Variants in BBS1 observed in about 807,000 individuals in gnomAD.
BBS1 encodes BBSome complex member BBS1.
Under a neutral mutation model 73.9 loss-of-function variants are expected in BBS1, and 60 were observed. The ratio of observed to expected loss-of-function variants is 0.81; its 90% confidence interval spans 0.66 to 1.01. BBS1 has a LOEUF of 1.01. BBS1 is among the 50% of genes least tolerant of loss of function. The pLI is 0.00. For synonymous variants in BBS1, 283 were observed against 317.4 expected, an observed-to-expected ratio of 0.89 and a Z score of 1.15; for missense variants, 718 against 770.3, an observed-to-expected ratio of 0.93 and a Z score of 0.80.
rs1856500571 is a variant in BBS1, at chr11:66,526,512, T to C, written c.1181-137T>C. The stretch of plus-strand genomic sequence containing the variant: ...AGACTATTAAGATGCACTTTGTTAC[T>C]TCCAGAAACAGTCTCGTCTGGAAGA... On this transcript the variant is annotated intron_variant, in intron 12 of 16. Coordinates refer to ENST00000318312, the MANE Select transcript of BBS1 (RefSeq NM_024649.5). The C allele has an allele frequency of 1.2e-5, 13 of 1,105,008 alleles. No individual in the cohort carries two copies. The South Asian group carries it at 1.7e-4, about 14-fold the overall frequency. The allele number at this position is 1,105,008 out of a possible 1,614,324, so 68.5% of individuals were successfully genotyped here.
chr11:66,519,840 C>T lies in BBS1; in HGVS notation c.723+92C>T, dbSNP rs1442121451. 4 of 1,516,204 alleles carry T rather than the reference C, an allele frequency of 2.6e-6. No homozygotes were observed. In the Admixed American group the frequency reaches 5.5e-5, roughly 21 times the overall value. The allele number at this position is 1,516,204 out of a possible 1,614,324, so 93.9% of individuals were successfully genotyped here. ...GTTAGTTCTGGGTAATATATATGTT[C>T]CTTGTAGAAAAATTAGAAACTAGAT... On this transcript the variant is annotated intron_variant, in intron 8 of 16. Transcript: ENST00000318312.
Position 66,512,072 on chromosome 11 carries a change from A to ATG in BBS1, c.159+834_159+835insGT, listed in dbSNP as rs1565280801. Among the ~76,000 whole-genome samples, 345 of 146,430 alleles carry ATG rather than the reference A, an allele frequency of 2.4e-3. 6 individuals are homozygous for ATG. Among genetic ancestry groups the ATG allele is most frequent in the African/African-American group, 7.9e-3 (312 of 39,632 alleles). On this transcript the variant is annotated intron_variant, in intron 3 of 16. Coordinates refer to ENST00000318312, the MANE Select transcript of BBS1 (RefSeq NM_024649.5). Reference sequence around the variant, plus strand: ...TATATGTGTATATATATGTATATATATATACATATATTTAATTTTAAATAA... The same window carrying ATG: ...TATATGTGTATATATATGTATATATATGTATACATATATTTAATTTTAAATAA...
chr11:66,517,223 A>C (rs1049761919), intron 7 of BBS1, among the ~76,000 whole-genome samples: 1 of 151,852 alleles, frequency 6.6e-6, no homozygotes, highest in Admixed American at 6.6e-5. Flanking sequence ...AAAAACAAAA[A>C]AAAAAAGAAA....
At position 66,517,468 on chromosome 11, in the gene BBS1, C is replaced by A. The variant is rs376243823; in HGVS notation, c.591+1535C>A. ...GTATTTTTTATTTTGAAATTTTTGT[C>A]CTTTTTTTTTTTTTTTTGGAGACAG... On this transcript the variant is annotated intron_variant, in intron 7 of 16. Transcript: ENST00000318312. Among the ~76,000 whole-genome samples the A allele has an allele frequency of 1.5e-4, 23 of 148,660 alleles. No homozygotes were observed. The East Asian group carries it at 3.1e-3, about 20-fold the overall frequency.
intron 5 of BBS1, 30 bp downstream of exon 5, chr11:66,515,616 C>T: frequency 6.2e-7 from 1 of 1,614,176 alleles, no homozygotes. Flanking sequence ...TTCATACCCC[C>T]CTCACTCCTT....
At chr11:66,514,245 A>G (rs1443192275) in intron 3 of BBS1, among the ~76,000 whole-genome samples, 161 bp from the exon 4 acceptor site, 1 of 152,236 alleles carries the variant, frequency 6.6e-6, no homozygotes, top group East Asian at 1.9e-4. Context: ...AGATTCAGAA[A>G]GGTTAGTCAA....
chr11:66,515,429 G>T (rs1469995502), intron 4 of BBS1, 111 bp from the exon 5 acceptor site: 1 of 1,166,842 alleles, frequency 8.6e-7, no homozygotes, highest in East Asian at 2.4e-5. Context: ...TAGGCTGGCA[G>T]GGAGGCAGAG....
intron 13 of BBS1, chr11:66,527,207 CAAAA>C (rs201003949): frequency 4.5e-6 from 2 of 448,484 alleles, no homozygotes; most frequent in Non-Finnish European, 4.0e-6. Flanking sequence ...ACTTCTTTCT[CAAAA>C]AAAAAAAAAG....
intron 7 of BBS1, among the ~76,000 whole-genome samples, chr11:66,519,265 G>T (rs1347018719): frequency 6.6e-6 from 1 of 152,168 alleles, no homozygotes; most frequent in Admixed American, 6.5e-5. Flanking sequence ...CAGCTAGTTG[G>T]GAGGCTAAGG....
chr11:66,514,793 C>A (rs1005823530), intron 4 of BBS1, 115 bp downstream of exon 4: 3 of 1,216,828 alleles, frequency 2.5e-6, no homozygotes, highest in Non-Finnish European at 3.5e-6. Context: ...AGCTATAGTC[C>A]ATCTCTGACA....
At chr11:66,514,908 C>T (rs1008276768) in intron 4 of BBS1, among the ~76,000 whole-genome samples, 3 of 151,930 alleles carry the variant, frequency 2.0e-5, no homozygotes, top group African/African-American at 4.8e-5. Context: ...CTCTGGCTCC[C>T]GGGTTAAAGC....
At position 66,526,121 on chromosome 11, in the gene BBS1, A is replaced by G. The variant is rs761969357; in HGVS notation, c.1111-2A>G. 3 of 1,614,006 alleles carry G rather than the reference A, an allele frequency of 1.9e-6. No homozygotes were observed. Among genetic ancestry groups the G allele is most frequent in the African/African-American group, 2.7e-5 (2 of 74,914 alleles). On this transcript the variant is annotated splice_acceptor_variant, in intron 11 of 16. Transcript: ENST00000318312. LOFTEE classifies it high-confidence loss of function. ...CAACTAAACTCTGACGTCTCCACAT[A>G]GGATGCAGTGACCAGCCTTTGCTTT...
chr11:66,512,012 A>ATGTG (rs1225951012), intron 3 of BBS1, among the ~76,000 whole-genome samples: 62 of 143,070 alleles, frequency 4.3e-4, no homozygotes, highest in African/African-American at 1.6e-3. Context: ...AAATATATAT[A>ATGTG]TATATATGTG....
Position 66,523,523 on chromosome 11 carries a change from A to G in BBS1, c.898A>G (p.Lys300Glu). The part of the protein sequence containing the change: ...AQPVGLIRVH[K>E]VLVVGSTQDS... ...GCCTGTGGGACTTATCCGGGTACAC[A>G]AGGTCCTAGTGGTGGGCAGCACCCA... Residue 300 changes from lysine (K) to glutamate (E), a missense_variant, in exon 10 of 17, where the codon AAG becomes GAG. Physicochemically the swap from Lys to Glu is moderately conservative, Grantham distance 56. Transcript: ENST00000318312. 6.2e-7 allele frequency: 1 copy of G among 1,614,086 alleles called. No homozygotes were observed. Among genetic ancestry groups the G allele is most frequent in the Non-Finnish European group, 8.5e-7 (1 of 1,179,996 alleles).
At chr11:66,530,086 G>T in intron 14 of BBS1, 134 bp downstream of exon 14, 1 of 1,286,420 alleles carries the variant, frequency 7.8e-7, no homozygotes, top group Non-Finnish European at 1.1e-6. Context: ...TCACCTTCCC[G>T]CAGACCTGGG....
At chr11:66,523,659 C>T in intron 10 of BBS1, 65 bp from the exon 11 acceptor site, 2 of 1,610,790 alleles carry the variant, frequency 1.2e-6, no homozygotes, top group East Asian at 2.2e-5. Context: ...GCTTCCCCAC[C>T]CCAGAAACCG....
At chr11:66,516,616 T>C (rs1243832219) in intron 7 of BBS1, among the ~76,000 whole-genome samples, 1 of 152,180 alleles carries the variant, frequency 6.6e-6, no homozygotes, top group Non-Finnish European at 1.5e-5. Flanking sequence ...AGTGGTGTGA[T>C]CGTGGCTCAC....
chr11:66,519,701 A>G lies in BBS1; in HGVS notation c.676A>G (p.Lys226Glu). 6.2e-7 allele frequency: 1 copy of G among 1,613,782 alleles called. No individual in the cohort carries two copies. Among genetic ancestry groups the G allele is most frequent in the Admixed American group, 1.7e-5 (1 of 60,000 alleles). Reference sequence around the variant, plus strand: ...TTGCCTGGTGCTGGGCACCGAGAACAAGGAGCTCCTGGTGCTTGACCCCGA... The same window carrying G: ...TTGCCTGGTGCTGGGCACCGAGAACGAGGAGCTCCTGGTGCTTGACCCCGA... ...VSCLVLGTEN[K>E]ELLVLDPEAF... Residue 226 changes from lysine (K) to glutamate (E), a missense_variant, in exon 8 of 17, where the codon AAG (lysine) becomes GAG (glutamate). Lys to Glu is a moderately conservative substitution (Grantham distance 56). Transcript: ENST00000318312.
At chr11:66,512,636 T>G (rs1855976440) in intron 3 of BBS1, among the ~76,000 whole-genome samples, 1 of 152,208 alleles carries the variant, frequency 6.6e-6, no homozygotes, top group Non-Finnish European at 1.5e-5. Context: ...GGCTCTGGGC[T>G]TACAATAGTG....
Sources: gnomAD v4.1 joint callset for allele counts (sites outside exome capture counted in the v4.1 genomes callset) on GRCh38, gnomAD v4.1.1 for gene constraint, MANE v1.5 for transcripts, NCBI Gene and HGNC (gene_info 2026-07-23, HGNC 2026-07-21) for gene names.